Variants in C12orf56 observed in about 807,000 individuals in gnomAD.
C12orf56 encodes uncharacterized protein C12orf56.
In C12orf56, 71 loss-of-function variants were observed where a neutral mutation model predicts 69.9. The observed-to-expected ratio is 1.02, with a 90% CI of 0.84 to 1.24. The LOEUF is 1.24. Among genes scored for constraint, C12orf56 ranks in the 50% most tolerant of loss-of-function variants. The probability of loss-of-function intolerance (pLI) is 0.00; values close to 1 mark genes in which losing one functional copy is unlikely to be tolerated. For missense variants in C12orf56, 732 were observed against 738.5 expected (o/e 0.99, Z 0.10); for synonymous variants, 276 against 274.1 (o/e 1.01, Z -0.07).
chr12:64,284,979 A>C (rs556115748), intron 7 of C12orf56, among the ~76,000 whole-genome samples: 7 of 152,210 alleles, frequency 4.6e-5, no homozygotes, highest in Non-Finnish European at 1.0e-4. Flanking sequence ...GGTAGCTAAC[A>C]TATCACTCAT....
chr12:64,384,609 T>C (rs1016739245), intron 1 of C12orf56, among the ~76,000 whole-genome samples: 1 of 152,124 alleles, frequency 6.6e-6, no homozygotes, highest in Middle Eastern at 3.2e-3. Flanking sequence ...AGAGAGCAGA[T>C]ATTCACAAAA....
intron 1 of C12orf56, among the ~76,000 whole-genome samples, chr12:64,380,374 A>G (rs182390908): frequency 9.2e-5 from 14 of 152,214 alleles, no homozygotes; most frequent in Admixed American, 3.3e-4. Flanking sequence ...AAGCTATATG[A>G]TAGATCTGAG....
chr12:64,369,798 T>C (rs1224826160), intron 1 of C12orf56, among the ~76,000 whole-genome samples: 7 of 151,324 alleles, frequency 4.6e-5, no homozygotes, highest in Admixed American at 4.6e-4. Flanking sequence ...CTGGCCAACA[T>C]GGTGAAACCC....
intron 11 of C12orf56, among the ~76,000 whole-genome samples, chr12:64,272,257 C>A (rs941006339): frequency 4.6e-5 from 7 of 152,086 alleles, no homozygotes; most frequent in Non-Finnish European, 1.0e-4. Context: ...GTAATCCCAG[C>A]ACTTTAGGAG....
At chr12:64,326,668 A>G (rs1472567393) in intron 3 of C12orf56, among the ~76,000 whole-genome samples, 3 of 151,846 alleles carry the variant, frequency 2.0e-5, no homozygotes, top group Non-Finnish European at 4.4e-5. Flanking sequence ...GGAACCCAGG[A>G]GGCGGAGGTT....
chr12:64,347,565 C>G (rs1034645757), intron 2 of C12orf56, among the ~76,000 whole-genome samples: 1 of 152,176 alleles, frequency 6.6e-6, no homozygotes, highest in African/African-American at 2.4e-5. Context: ...GCTTGAGCCA[C>G]TGTACCCAGC....
chr12:64,293,903 G>C (rs10735923), intron 6 of C12orf56, among the ~76,000 whole-genome samples: 141,039 of 152,262 alleles, frequency 0.93, 66,267 homozygotes, highest in East Asian at 1. Context: ...TGACATTCTG[G>C]AGTGACAGAG....
chr12:64,325,071 C>T (rs749296328), intron 3 of C12orf56, among the ~76,000 whole-genome samples: 1 of 152,116 alleles, frequency 6.6e-6, no homozygotes, highest in Non-Finnish European at 1.5e-5. Context: ...GTACTCTCCA[C>T]GAGCCCTTGG....
At chr12:64,335,417 C>CAAAAAA (rs59759648) in intron 2 of C12orf56, among the ~76,000 whole-genome samples, 2 of 98,310 alleles carry the variant, frequency 2.0e-5, no homozygotes, top group African/African-American at 8.0e-5. Context: ...ACTTCATCTC[C>CAAAAAA]AAAAAAAAAA....
At chr12:64,268,444 G>GAAT (rs1354938232) in intron 12 of C12orf56, among the ~76,000 whole-genome samples, 1 of 114,896 alleles carries the variant, frequency 8.7e-6, no homozygotes, top group Non-Finnish European at 2.0e-5. Flanking sequence ...GCTCAGTGAA[G>GAAT]TCAGACACAA....
rs2039352108 is a variant in C12orf56 at position 64,358,482 on chromosome 12, A to ATCATCATCATCATC, written c.253-5427_253-5426insGATGATGATGATGA. Among the ~76,000 whole-genome samples the ATCATCATCATCATC allele has an allele frequency of 2.5e-3, 312 of 125,928 alleles. 1 individual carries two copies. The highest frequency in any genetic ancestry group is 8.6e-3 in the African/African-American group (285 of 33,234). The allele number at this position is 125,928 out of a possible 152,430, so 82.6% of individuals were successfully genotyped here. ...CAAAAGTAATAATAATAATAATAATAATCATCATCATCATCATCATCATCA... is the reference window on the plus strand; with the variant it reads ...CAAAAGTAATAATAATAATAATAATATCATCATCATCATCATCATCATCATCATCATCATCATCA... On this transcript the variant is annotated intron_variant, in intron 1 of 12. Coordinates refer to ENST00000543942, the MANE Select transcript of C12orf56 (RefSeq NM_001170633.2).
chr12:64,312,815 C>T, intron 4 of C12orf56, 63 bp from the exon 5 acceptor site: 1 of 1,200,040 alleles, frequency 8.3e-7, no homozygotes, highest in Non-Finnish European at 1.2e-6. Flanking sequence ...TTCCCCCTAC[C>T]TTTAGTCAAT....
chr12:64,317,547 G>T (rs941277689), intron 4 of C12orf56, among the ~76,000 whole-genome samples: 51 of 152,174 alleles, frequency 3.4e-4, no homozygotes, highest in Admixed American at 1.0e-3. Context: ...ATCACCTGAG[G>T]TCGGGAGTTC....
chr12:64,341,602 AC>A (rs900597613), intron 2 of C12orf56, among the ~76,000 whole-genome samples: 1 of 152,186 alleles, frequency 6.6e-6, no homozygotes, highest in African/African-American at 2.4e-5. Flanking sequence ...TGTGTGGAAT[AC>A]CATGAAGGTG....
chr12:64,294,413 A>T (rs1313683929), intron 6 of C12orf56, among the ~76,000 whole-genome samples: 1 of 152,222 alleles, frequency 6.6e-6, no homozygotes, highest in Non-Finnish European at 1.5e-5. Flanking sequence ...TACTCACAAC[A>T]TCTAAAACAT....
intron 5 of C12orf56, among the ~76,000 whole-genome samples, chr12:64,304,825 G>A (rs2038490900): frequency 6.6e-6 from 1 of 152,138 alleles, no homozygotes; most frequent in Admixed American, 6.6e-5. Context: ...GAAGTTGTGG[G>A]GGGGTTTAAG....
intron 6 of C12orf56, among the ~76,000 whole-genome samples, chr12:64,295,465 A>G (rs1178387944): frequency 6.6e-6 from 1 of 152,154 alleles, no homozygotes; most frequent in African/African-American, 2.4e-5. Flanking sequence ...AGCCTGGGCA[A>G]CATGGTGAAA....
At chr12:64,363,674 T>C (rs1378053118) in intron 1 of C12orf56, among the ~76,000 whole-genome samples, 1 of 152,166 alleles carries the variant, frequency 6.6e-6, no homozygotes, top group Non-Finnish European at 1.5e-5. Context: ...ACAAATCTTT[T>C]TGCGGAAAAA....
At chr12:64,377,247 G>A (rs2135980460) in intron 1 of C12orf56, among the ~76,000 whole-genome samples, 1 of 148,644 alleles carries the variant, frequency 6.7e-6, no homozygotes, top group East Asian at 2.0e-4. Context: ...CTGGAGTGCA[G>A]TGGTGTGATC....
Sources: gnomAD v4.1 joint callset for allele counts (sites outside exome capture counted in the v4.1 genomes callset) on GRCh38, gnomAD v4.1.1 for gene constraint, MANE v1.5 for transcripts, NCBI Gene and HGNC (gene_info 2026-07-23, HGNC 2026-07-21) for gene names.